SATB1: variants seen among roughly 807,000 people sequenced by gnomAD.
SATB1 encodes the protein SATB homeobox 1.
In SATB1, 11 loss-of-function variants were observed where a neutral mutation model predicts 86.9. That is an observed-to-expected ratio of 0.13 (90% CI 0.08 to 0.21). The LOEUF (loss-of-function observed/expected upper bound fraction) is 0.21. SATB1 is among the 10% of genes least tolerant of loss of function. The pLI, the probability that SATB1 is intolerant of heterozygous loss-of-function variation, is 1.00. For synonymous variants in SATB1, 357 were observed against 357.2 expected (o/e 1.00, Z 0.01); for missense variants, 551 against 937.6 (o/e 0.59, Z 5.39).
intron 2 of SATB1, among the ~76,000 whole-genome samples, chr3:18,420,143 T>C (rs1283260492): frequency 2.0e-5 from 3 of 152,188 alleles, no homozygotes; most frequent in Non-Finnish European, 4.4e-5. Flanking sequence ...CAATTTAATA[T>C]TGGTAGAAAA....
chr3:18,345,549 G>A lies in SATB1; in HGVS notation c.*3621C>T, dbSNP rs1460889182. On this transcript the variant is annotated 3_prime_UTR_variant, in exon 11 of 11. Coordinates refer to ENST00000338745, the MANE Select transcript of SATB1 (RefSeq NM_002971.6). Reference sequence around the variant, plus strand: ...TTAGCCTTTGTCAAAAGACATGCAAGTATTTAGTATTTACATTAAAAGGAT... The same window carrying A: ...TTAGCCTTTGTCAAAAGACATGCAAATATTTAGTATTTACATTAAAAGGAT... 2 of 152,062 alleles carry A rather than the reference G, an allele frequency of 1.3e-5. No individual in the cohort carries two copies. 9.4% of individuals were successfully genotyped at this position (152,062 alleles called of 1,614,324 possible). A position where few individuals can be genotyped will look rare whatever the true frequency, so the allele number is the denominator to read the frequency against.
intron 8 of SATB1, among the ~76,000 whole-genome samples, chr3:18,385,577 C>T (rs1025120542): frequency 2.7e-5 from 4 of 150,404 alleles, no homozygotes; most frequent in East Asian, 2.0e-4. Flanking sequence ...GAGTGAAGAT[C>T]GTGCCACTGC....
chr3:18,427,274 C>T (rs542648298), upstream of SATB1, among the ~76,000 whole-genome samples: 1 of 152,298 alleles, frequency 6.6e-6, no homozygotes, highest in Non-Finnish European at 1.5e-5. Context: ...CTAGTAATGC[C>T]TGACATGTTT....
chr3:18,421,161 T>A (rs1037586845), intron 1 of SATB1, 170 bp from the exon 2 acceptor site: 18 of 564,192 alleles, frequency 3.2e-5, no homozygotes, highest in Non-Finnish European at 3.8e-5. Context: ...GATGATAGCA[T>A]TACATTCTTA....
At position 18,397,159 on chromosome 3, in the gene SATB1, G is replaced by C. The variant is rs371686821; in HGVS notation, c.751+20C>G. On this transcript the variant is annotated intron_variant, in intron 6 of 10. Coordinates refer to ENST00000338745, the MANE Select transcript of SATB1 (RefSeq NM_002971.6). The stretch of plus-strand genomic sequence containing the variant: ...CACGTAATGGTATGTAGCCACTGCT[G>C]CAATGTTTTTTTTGCTTACCCATCA... 245 of 1,334,500 alleles carry C rather than the reference G, an allele frequency of 1.8e-4. No homozygotes were observed. The highest frequency in any genetic ancestry group is 2.5e-4 in the Non-Finnish European group (231 of 925,400). 82.7% of individuals were successfully genotyped at this position (1,334,500 alleles called of 1,614,324 possible).
In SATB1 at chr3:18,444,303, G is replaced by T. The variant is rs1312572462; in HGVS notation, c.-25+1215C>A. 1.3e-5 allele frequency among the ~76,000 whole-genome samples: 2 copies of T among 151,992 alleles called. No individual in the cohort carries two copies. Among genetic ancestry groups the T allele is most frequent in the Admixed American group, 1.3e-4 (2 of 15,258 alleles). ...ACCTGAAGGAGTTTGTTCAGCCAGGGTCTATTGGGCAGGTGTGGTGGTGTG... is the reference window on the plus strand; with the variant it reads ...ACCTGAAGGAGTTTGTTCAGCCAGGTTCTATTGGGCAGGTGTGGTGGTGTG... On this transcript the variant is annotated intron_variant, in intron 1 of 3. Coordinates refer to the SATB1 transcript ENST00000415069. This position sits in a 1 kb window ranked among gnomAD's most constrained non-coding sequence, Gnocchi z 5.1.
upstream of SATB1, among the ~76,000 whole-genome samples, chr3:18,425,948 A>C (rs1372616938): frequency 6.6e-6 from 1 of 151,906 alleles, no homozygotes; most frequent in Non-Finnish European, 1.5e-5. Flanking sequence ...AAAAAGGAGT[A>C]CGCCTGGAGC....
rs563750354 is a variant in SATB1, at chr3:18,379,807, C to T, written c.1420-1482G>A. On this transcript the variant is annotated intron_variant, in intron 8 of 10. Transcript: ENST00000338745. ...AGATAATGCTGGGAAATAGTTGGCC[C>T]GCAGGCCTGAAGGGGACACAGCAGG... 5.9e-5 allele frequency among the ~76,000 whole-genome samples: 9 copies of T among 152,250 alleles called. No homozygotes were observed. The South Asian group carries it at 6.2e-4, about 11-fold the overall frequency.
chr3:18,403,859 AT>A (rs1360666020), intron 5 of SATB1, among the ~76,000 whole-genome samples: 4 of 151,884 alleles, frequency 2.6e-5, no homozygotes, highest in African/African-American at 9.7e-5. Context: ...TTATATTTTT[AT>A]TTTTTGAGAA....
intron 10 of SATB1, chr3:18,351,341 G>C: frequency 1.3e-6 from 2 of 1,552,826 alleles, no homozygotes; most frequent in Non-Finnish European, 1.7e-6. Flanking sequence ...CCATGGTGCA[G>C]GGGTCGGCAG....
At chr3:18,373,173 C>T (rs181523737) in intron 9 of SATB1, among the ~76,000 whole-genome samples, 11 of 152,304 alleles carry the variant, frequency 7.2e-5, no homozygotes, top group Non-Finnish European at 1.6e-4. Flanking sequence ...ATGAAGAAGG[C>T]TTCGTTTGCC....
At chr3:18,409,920 C>A (rs956252165) in intron 5 of SATB1, among the ~76,000 whole-genome samples, 11 of 152,024 alleles carry the variant, frequency 7.2e-5, no homozygotes, top group Admixed American at 7.2e-4. Flanking sequence ...CATCTGCCCA[C>A]TATTTCTAAT....
At chr3:18,351,469 G>A in intron 10 of SATB1, 6 of 1,302,556 alleles carry the variant, frequency 4.6e-6, no homozygotes, top group Non-Finnish European at 6.4e-6. Flanking sequence ...AGTGTGGGGA[G>A]ACAGCTATTA....
chr3:18,351,864 G>T, intron 10 of SATB1, 128 bp downstream of exon 10: 1 of 798,416 alleles, frequency 1.3e-6, no homozygotes, highest in Non-Finnish European at 2.1e-6. Flanking sequence ...CAAGATGGCA[G>T]TGTATTGTTA....
chr3:18,423,326 G>A (rs1359149918), intron 1 of SATB1, among the ~76,000 whole-genome samples: 1 of 152,150 alleles, frequency 6.6e-6, no homozygotes, highest in African/African-American at 2.4e-5. Context: ...AGTGAACTCA[G>A]TAACAACAAT....
intron 6 of SATB1, among the ~76,000 whole-genome samples, chr3:18,396,859 G>A (rs1003293016): frequency 2.0e-5 from 3 of 152,104 alleles, no homozygotes; most frequent in African/African-American, 7.2e-5. Context: ...AGACTTATCA[G>A]AGAAAGAAAT....
rs553943008 is a variant in SATB1 at position 18,401,641 on chromosome 3, C to T, written c.640-4351G>A. On this transcript the variant is annotated intron_variant, in intron 5 of 10. Transcript: ENST00000338745. ...GTTGAAATACCAAGTTCAAATGCTACACGGTACACCAACCAATAAATAGGC... is the reference window on the plus strand; with the variant it reads ...GTTGAAATACCAAGTTCAAATGCTATACGGTACACCAACCAATAAATAGGC... 5.3e-5 allele frequency among the ~76,000 whole-genome samples: 8 copies of T among 152,252 alleles called. No homozygotes were observed. The East Asian group carries it at 9.7e-4, about 18-fold the overall frequency.
At chr3:18,371,024 A>G (rs1297875116) in intron 9 of SATB1, among the ~76,000 whole-genome samples, 2 of 152,232 alleles carry the variant, frequency 1.3e-5, no homozygotes, top group Admixed American at 6.5e-5. Context: ...AATAAGGATC[A>G]GACACCTTAT....
rs140692343 is a variant in SATB1, at chr3:18,351,759, G to C, written c.1779+233C>G. ...CATTTGCCAAACGAGTGTAAAAAAG[G>C]GGTTCCTGTTGCTTTGGTGGCTGGG... On this transcript the variant is annotated intron_variant, in intron 10 of 10. Transcript: ENST00000338745. 7.3e-6 allele frequency: 4 copies of C among 550,770 alleles called. No homozygotes were observed. In the East Asian group the frequency reaches 1.2e-4, roughly 17 times the overall value. 34.1% of individuals were successfully genotyped at this position (550,770 alleles called of 1,614,324 possible).
Sources: allele counts gnomAD v4.1 joint callset (sites outside exome capture counted in the v4.1 genomes callset), GRCh38; gene constraint gnomAD v4.1.1; non-coding constraint Gnocchi (gnomAD v3.1); transcripts MANE v1.5; gene names NCBI Gene and HGNC (gene_info 2026-07-23, HGNC 2026-07-21).